Variants in TRIO observed in about 807,000 individuals in gnomAD.
TRIO encodes trio Rho guanine nucleotide exchange factor, also known as triple functional domain protein.
Under a neutral mutation model 351.9 loss-of-function variants are expected in TRIO, and 58 were observed. The observed-to-expected ratio is 0.16, with a 90% CI of 0.13 to 0.21. The LOEUF is 0.21. TRIO is among the 10% of genes least tolerant of loss of function. TRIO has a pLI of 1.00. For missense variants in TRIO, 3,201 were observed against 4,027.8 expected, an observed-to-expected ratio of 0.79 and a Z score of 5.56; for synonymous variants, 1,758 against 1,595.7, an observed-to-expected ratio of 1.10 and a Z score of -2.42.
chr5:14,387,494 A>G lies in TRIO; in HGVS notation c.3627A>G (p.Lys1209=). 6.2e-7 allele frequency: 1 copy of G among 1,613,526 alleles called. No homozygotes were observed. The highest frequency in any genetic ancestry group is 8.5e-7 in the Non-Finnish European group (1 of 1,179,674). ...AGCTGGCTGATGGCTTTTGTGAAAAAGGGCATGCCCATGCGGCAGAGATAA... is the reference window on the plus strand; with the variant it reads ...AGCTGGCTGATGGCTTTTGTGAAAAGGGGCATGCCCATGCGGCAGAGATAA... ...LIQLADGFCE[K]GHAHAAEIKK... is the part of the protein sequence containing the mutation. The change falls in exon 22 of 57, where the codon AAA becomes AAG. Residue 1209 remains lysine (K), a synonymous_variant. Transcript: ENST00000344204.
intron 52 of TRIO, 76 bp from the exon 53 acceptor site, chr5:14,498,443 C>A: frequency 6.4e-7 from 1 of 1,553,700 alleles, no homozygotes; most frequent in Non-Finnish European, 8.7e-7. Flanking sequence ...TCCCTTGATC[C>A]TGAAGGAGGA....
intron 1 of TRIO, among the ~76,000 whole-genome samples, chr5:14,255,411 T>G (rs1338354351): frequency 6.6e-6 from 1 of 152,136 alleles, no homozygotes; most frequent in African/African-American, 2.4e-5. Flanking sequence ...ATTGCCAAAA[T>G]AAGTTCAAGT....
At chr5:14,420,320 T>G in intron 34 of TRIO, 2 of 344,080 alleles carry the variant, frequency 5.8e-6, no homozygotes, top group Non-Finnish European at 5.5e-6. Flanking sequence ...CTTCCTTCCT[T>G]TATCATCTGT....
chr5:14,146,859 T>C (rs61524630), intron 1 of TRIO, among the ~76,000 whole-genome samples: 9,694 of 152,262 alleles, frequency 0.064, 1,054 homozygotes, highest in African/African-American at 0.22. Context: ...CCACCCAGGG[T>C]TCACCTCACC....
chr5:14,317,908 C>T (rs887082932), intron 9 of TRIO, among the ~76,000 whole-genome samples: 2 of 152,066 alleles, frequency 1.3e-5, no homozygotes, highest in African/African-American at 2.4e-5. Context: ...GGGTGGATCA[C>T]CTGAGGTCAG....
At chr5:14,313,795 G>A (rs952095746) in intron 8 of TRIO, among the ~76,000 whole-genome samples, 2 of 152,184 alleles carry the variant, frequency 1.3e-5, no homozygotes, top group Admixed American at 1.3e-4. Flanking sequence ...AGGGACAAGG[G>A]GATGAGCATA....
intron 27 of TRIO, among the ~76,000 whole-genome samples, chr5:14,391,704 G>T (rs932762079): frequency 5.3e-5 from 8 of 152,218 alleles, no homozygotes; most frequent in Non-Finnish European, 1.5e-5. Flanking sequence ...GCATAGTTTG[G>T]TGCATAAGGT....
chr5:14,429,762 A>T (rs565114685), intron 34 of TRIO, among the ~76,000 whole-genome samples: 40 of 152,366 alleles, frequency 2.6e-4, no homozygotes, highest in African/African-American at 9.1e-4. Flanking sequence ...TGCCAGGTAC[A>T]CATAACCATT....
intron 1 of TRIO, among the ~76,000 whole-genome samples, chr5:14,169,464 CTG>C (rs757522725): frequency 9.2e-5 from 14 of 152,106 alleles, no homozygotes; most frequent in Non-Finnish European, 1.8e-4. Context: ...TGGATTACTG[CTG>C]TGTCTTTACC....
chr5:14,446,055 G>A (rs1038285453), intron 34 of TRIO, among the ~76,000 whole-genome samples: 12 of 152,310 alleles, frequency 7.9e-5, no homozygotes, highest in African/African-American at 2.6e-4. Context: ...CTGTTAATTG[G>A]TGTTCTTAGC....
intron 1 of TRIO, among the ~76,000 whole-genome samples, chr5:14,230,177 C>G (rs1459118476): frequency 6.6e-6 from 1 of 152,160 alleles, no homozygotes; most frequent in Non-Finnish European, 1.5e-5. Flanking sequence ...TGGTACACTT[C>G]CAAACTGAAG....
intron 48 of TRIO, 193 bp from the exon 49 acceptor site, chr5:14,492,374 A>G: frequency 1.4e-6 from 1 of 702,926 alleles, no homozygotes; most frequent in South Asian, 2.0e-5. Flanking sequence ...GAGAAATTAC[A>G]TTTTCAGTTA....
At chr5:14,189,689 A>G (rs1253587150) in intron 1 of TRIO, among the ~76,000 whole-genome samples, 1 of 151,010 alleles carries the variant, frequency 6.6e-6, no homozygotes, top group Non-Finnish European at 1.5e-5. Context: ...GGGATTGCTG[A>G]GAGCTGAGGA....
intron 1 of TRIO, among the ~76,000 whole-genome samples, chr5:14,269,195 G>T (rs994860701): frequency 6.6e-6 from 1 of 152,166 alleles, no homozygotes; most frequent in Admixed American, 6.5e-5. Context: ...GAAGTCTGTG[G>T]TAATTGTCAG....
At chr5:14,143,987 G>A (rs934562674) in intron 1 of TRIO, 105 bp downstream of exon 1, 90 of 869,878 alleles carry the variant, frequency 1.0e-4, no homozygotes, top group Non-Finnish European at 1.2e-4. Context: ...GTGCCCGCCC[G>A]TCCGTCCGTC....
In TRIO at chr5:14,330,758, G is replaced by A. The variant is rs755006791; in HGVS notation, c.1732-20G>A. On this transcript the variant is annotated intron_variant, in intron 9 of 56. Coordinates refer to ENST00000344204, the MANE Select transcript of TRIO (RefSeq NM_007118.4). ...GCAGGACATTGTTTTTATGGCATAT[G>A]TACCTGTATTTCATTGTAGGTGCTA... is the stretch of plus-strand genomic sequence containing the variant. 3 of 1,613,106 alleles carry A rather than the reference G, an allele frequency of 1.9e-6. No homozygotes were observed. The highest frequency in any genetic ancestry group is 1.7e-6 in the Non-Finnish European group (2 of 1,179,384).
chr5:14,360,193 A>G (rs1744020278), intron 13 of TRIO, among the ~76,000 whole-genome samples: 1 of 152,186 alleles, frequency 6.6e-6, no homozygotes, highest in South Asian at 2.1e-4. Flanking sequence ...CATGATTCTT[A>G]CCTAAACGTG....
At chr5:14,183,858 G>C in intron 1 of TRIO, 1 of 601,388 alleles carries the variant, frequency 1.7e-6, no homozygotes, top group Non-Finnish European at 3.0e-6. Flanking sequence ...ACTGCCAACT[G>C]TTAACCTTTG....
intron 8 of TRIO, among the ~76,000 whole-genome samples, chr5:14,308,792 C>CCCAACCAT (rs975264666): frequency 6.6e-6 from 1 of 150,466 alleles, no homozygotes; most frequent in African/African-American, 2.5e-5. Context: ...CAACCAACCA[C>CCCAACCAT]CCATCCTACA....
Sources: allele counts gnomAD v4.1 joint callset (sites outside exome capture counted in the v4.1 genomes callset), GRCh38; gene constraint gnomAD v4.1.1; transcripts MANE v1.5; gene names NCBI Gene and HGNC (gene_info 2026-07-23, HGNC 2026-07-21).